DDX6: variants seen among roughly 807,000 people sequenced by gnomAD.
The protein encoded by DDX6 is DEAD-box helicase 6.
In DDX6, 7 loss-of-function variants were observed where a neutral mutation model predicts 60.6. The observed-to-expected ratio is 0.12, with a 90% CI of 0.07 to 0.22. DDX6 has a LOEUF of 0.22. Among genes scored for constraint, DDX6 ranks in the 10% least tolerant of loss-of-function variants. The pLI, the probability that DDX6 is intolerant of heterozygous loss-of-function variation, is 1.00. For synonymous variants in DDX6, 207 were observed against 201.0 expected, an observed-to-expected ratio of 1.03 and a Z score of -0.25; for missense variants, 270 against 589.9, an observed-to-expected ratio of 0.46 and a Z score of 5.62.
rs1306676538 is a variant in DDX6 at position 118,750,027 on chromosome 11, A to G, written c.*2078T>C. On this transcript the variant is annotated 3_prime_UTR_variant, in exon 14 of 14. Coordinates refer to ENST00000534980, the MANE Select transcript of DDX6 (RefSeq NM_004397.6). ...CCAAGGAATTGTGGGTGAGTCGCAA[A>G]TAGTTTGCTCAGAAGTAGGCAGAGT... is the stretch of plus-strand genomic sequence containing the variant. 4 of 152,638 alleles carry G rather than the reference A, an allele frequency of 2.6e-5. No homozygotes were observed. Among genetic ancestry groups the G allele is most frequent in the African/African-American group, 7.2e-5 (3 of 41,442 alleles). The allele number at this position is 152,638 out of a possible 1,614,324, so 9.5% of individuals were successfully genotyped here.
chr11:118,787,132 T>TA (rs1862100838), intron 1 of DDX6: 2 of 152,082 alleles, frequency 1.3e-5, no homozygotes, highest in African/African-American at 4.8e-5. Context: ...GGTCAGGAGT[T>TA]AGAGACCAGC....
At chr11:118,762,998 T>G (rs1268665206) in intron 7 of DDX6, among the ~76,000 whole-genome samples, 1 of 152,218 alleles carries the variant, frequency 6.6e-6, no homozygotes, top group Non-Finnish European at 1.5e-5. Flanking sequence ...GTCTGCTATC[T>G]CTAAGAAAAA....
chr11:118,765,774 A>G (rs1555161179), intron 5 of DDX6, among the ~76,000 whole-genome samples: 1 of 96,008 alleles, frequency 1.0e-5, no homozygotes, highest in African/African-American at 4.5e-5. Context: ...ACTCAGTCTC[A>G]AAAGAAAGAA....
chr11:118,756,054 G>A (rs1555158835), intron 11 of DDX6, among the ~76,000 whole-genome samples: 1 of 130,144 alleles, frequency 7.7e-6, no homozygotes. Context: ...GATGAGGTAT[G>A]AGTGCCAGAG....
At chr11:118,779,156 C>CAA (rs5795140) in intron 4 of DDX6, among the ~76,000 whole-genome samples, 30,474 of 125,490 alleles carry the variant, frequency 0.24, 4,778 homozygotes, top group South Asian at 0.31. Flanking sequence ...ACCCAGTTGC[C>CAA]AAAAAAAAAA....
chr11:118,777,239 AC>A (rs1861730205), intron 4 of DDX6, among the ~76,000 whole-genome samples: 1 of 125,330 alleles, frequency 8.0e-6, no homozygotes, highest in East Asian at 2.4e-4. Context: ...GTCACTCCAC[AC>A]ATGTTGGCTC....
intron 6 of DDX6, 107 bp downstream of exon 6, chr11:118,765,101 GC>G (rs1245579942): frequency 7.8e-7 from 1 of 1,283,684 alleles, no homozygotes; most frequent in African/African-American, 1.5e-5. Context: ...TTTTCTTACT[GC>G]AGTATTTCTG....
rs536402333 is a variant in DDX6, at chr11:118,773,205, C to T, written c.370-4853G>A. On this transcript the variant is annotated intron_variant, in intron 4 of 13. Transcript: ENST00000534980. The stretch of plus-strand genomic sequence containing the variant: ...GGTACCAACAAAAGCTCAACATCAC[C>T]CAACTAGCTGCATTTACACTGACTG... Among the ~76,000 whole-genome samples the T allele has an allele frequency of 4.6e-5, 7 of 152,258 alleles. No individual in the cohort carries two copies. In the East Asian group the frequency reaches 1.4e-3, roughly 29 times the overall value.
At chr11:118,769,926 T>C (rs1591906636) in intron 4 of DDX6, among the ~76,000 whole-genome samples, 1 of 152,044 alleles carries the variant, frequency 6.6e-6, no homozygotes, top group African/African-American at 2.4e-5. Context: ...GCCAGGATGG[T>C]GTTGATCTCC....
chr11:118,785,483 G>A (rs1862043827), intron 2 of DDX6, among the ~76,000 whole-genome samples: 1 of 151,708 alleles, frequency 6.6e-6, no homozygotes, highest in Non-Finnish European at 1.5e-5. Flanking sequence ...AGGGATTACA[G>A]GCATGAGTCA....
chr11:118,765,465 A>T (rs1397530231), intron 5 of DDX6, 110 bp from the exon 6 acceptor site: 1 of 1,133,994 alleles, frequency 8.8e-7, no homozygotes, highest in Non-Finnish European at 1.3e-6. Flanking sequence ...GCGCCTTATG[A>T]TGCAGTGGCT....
At position 118,750,336 on chromosome 11, in the gene DDX6, T is replaced by C. The variant is rs1294150461; in HGVS notation, c.*1769A>G. 6.6e-6 allele frequency: 1 copy of C among 152,032 alleles called. No homozygotes were observed. The highest frequency in any genetic ancestry group is 1.5e-5 in the Non-Finnish European group (1 of 68,002). The allele number at this position is 152,032 out of a possible 1,614,324, so 9.4% of individuals were successfully genotyped here. A position where few individuals can be genotyped will look rare whatever the true frequency, so the allele number is the denominator to read the frequency against. On this transcript the variant is annotated 3_prime_UTR_variant, in exon 14 of 14. Transcript: ENST00000534980. ...GAGATCAGGCCAAACATCAAGCATG[T>C]TGGGAGGGGCACAATTTAAAGCAAC... is the stretch of plus-strand genomic sequence containing the variant.
In DDX6 at chr11:118,750,812, C is replaced by T. The variant is rs1211986533; in HGVS notation, c.*1293G>A. ...TGAATTATCAATGTTTTGAAGCTTC[C>T]TTGCTCTCTCTGGTAAACCTACTCC... On this transcript the variant is annotated 3_prime_UTR_variant, in exon 14 of 14. Coordinates refer to ENST00000534980, the MANE Select transcript of DDX6 (RefSeq NM_004397.6). The T allele has an allele frequency of 3.3e-5, 5 of 152,178 alleles. No individual in the cohort carries two copies. The highest frequency in any genetic ancestry group is 1.2e-4 in the African/African-American group (5 of 41,328). The allele number at this position is 152,178 out of a possible 1,614,324, so 9.4% of individuals were successfully genotyped here. A position where few individuals can be genotyped will look rare whatever the true frequency, so the allele number is the denominator to read the frequency against.
At chr11:118,778,887 T>TA (rs1267675586) in intron 4 of DDX6, among the ~76,000 whole-genome samples, 8 of 151,970 alleles carry the variant, frequency 5.3e-5, no homozygotes, top group East Asian at 3.9e-4. Flanking sequence ...GTACTATTAA[T>TA]AAAAAAAGGG....
chr11:118,764,532 C>T (rs1238296012), intron 6 of DDX6, among the ~76,000 whole-genome samples: 2 of 152,034 alleles, frequency 1.3e-5, no homozygotes, highest in African/African-American at 2.4e-5. Flanking sequence ...TGGCCGGGCA[C>T]GGTGGCTCAC....
At chr11:118,781,234 C>T (rs1555164664) in intron 2 of DDX6, 50 bp from the exon 3 acceptor site, 1 of 1,155,754 alleles carries the variant, frequency 8.7e-7, no homozygotes. Flanking sequence ...AGCATCCTAA[C>T]AAAGATGATT....
In DDX6 at chr11:118,751,902, CAAACAAGTGGAACAAAAAAG is replaced by C. The variant is rs1860785838; in HGVS notation, c.*183_*202del. On this transcript the variant is annotated 3_prime_UTR_variant, in exon 14 of 14. Transcript: ENST00000534980. ...ACTAATGTTCAGTCAGCACACAGTG[CAAACAAGTGGAACAAAAAAG>C]GTATATTCCTTCTTTTCAGCCTTTT... The C allele has an allele frequency of 2.3e-6, 1 of 439,824 alleles. No homozygotes were observed. Among genetic ancestry groups the C allele is most frequent in the Admixed American group, 2.5e-5 (1 of 39,696 alleles). 27.2% of individuals were successfully genotyped at this position (439,824 alleles called of 1,614,324 possible).
At chr11:118,770,393 T>C (rs1861497470) in intron 4 of DDX6, among the ~76,000 whole-genome samples, 2 of 152,164 alleles carry the variant, frequency 1.3e-5, no homozygotes. Flanking sequence ...ATTTGTCCCT[T>C]CTATGCCTGG....
chr11:118,759,329 AT>A, intron 8 of DDX6: 1 of 157,068 alleles, frequency 6.4e-6, no homozygotes, highest in South Asian at 1.9e-4. Context: ...AAGTGCTGGG[AT>A]TACAGGCATG....
Sources: allele counts gnomAD v4.1 joint callset (sites outside exome capture counted in the v4.1 genomes callset), GRCh38; gene constraint gnomAD v4.1.1; transcripts MANE v1.5; gene names NCBI Gene and HGNC (gene_info 2026-07-23, HGNC 2026-07-21).